PPFIA4: variants seen among roughly 807,000 people sequenced by gnomAD.
PPFIA4 encodes the protein PPFI scaffold protein A4.
PPFIA4 carries 98 observed loss-of-function variants against 145.7 expected under a neutral mutation model. That is an observed-to-expected ratio of 0.67 (90% CI 0.57 to 0.80). The LOEUF (loss-of-function observed/expected upper bound fraction) is 0.80. Among genes scored for constraint, PPFIA4 ranks in the 30% least tolerant of loss-of-function variants. The probability of loss-of-function intolerance (pLI) is 0.00; values close to 1 mark genes in which losing one functional copy is unlikely to be tolerated. For synonymous variants in PPFIA4, 628 were observed against 649.6 expected (o/e 0.97, Z 0.51); for missense variants, 1,457 against 1,632.7 (o/e 0.89, Z 1.85).
chr1:203,057,506 C>T (rs976380921), intron 19 of PPFIA4, among the ~76,000 whole-genome samples: 5 of 152,310 alleles, frequency 3.3e-5, no homozygotes, highest in South Asian at 2.1e-4. Context: ...GGTGAGTACA[C>T]GTTAAATGTT....
At chr1:203,051,469 T>C in intron 13 of PPFIA4, 1 of 665,368 alleles carries the variant, frequency 1.5e-6, no homozygotes, top group Non-Finnish European at 2.1e-6. Flanking sequence ...GCTCAACTTT[T>C]TAAAAGCCAC....
intron 26 of PPFIA4, 102 bp downstream of exon 26, chr1:203,067,894 C>G (rs376543427): frequency 9.9e-7 from 1 of 1,014,584 alleles, no homozygotes; most frequent in Non-Finnish European, 1.5e-6. Flanking sequence ...AGGGAATCTT[C>G]CAGTCTGAAA....
At chr1:203,045,768 G>A (rs1349953457) in intron 7 of PPFIA4, 73 bp from the exon 8 acceptor site, 1 of 1,602,046 alleles carries the variant, frequency 6.2e-7, no homozygotes, top group Admixed American at 1.7e-5. Context: ...AGCCAGGTGT[G>A]GGTGGGGAGG....
rs760017144 is a variant in PPFIA4 at position 203,056,387 on chromosome 1, C to T, written c.2119C>T (p.Arg707Trp). 1.5e-5 allele frequency: 25 copies of T among 1,613,722 alleles called. No homozygotes were observed. Among genetic ancestry groups the T allele is most frequent in the East Asian group, 2.2e-5 (1 of 44,902 alleles). Residue 707 changes from arginine (R) to tryptophan (W), a missense_variant, in exon 18 of 30, where the codon CGG becomes TGG. Transcript: ENST00000295706. The stretch of plus-strand genomic sequence containing the variant: ...ACTGTCTGTTCAGTCGCCAGTGTCT[C>T]GGGAAGAGAACCGAGAGGATAAAGC... The part of the protein sequence containing the change: ...HRRKLLSPVS[R>W]EENREDKATI...
In PPFIA4 at chr1:203,068,400, C is replaced by A. The variant is rs942732140; in HGVS notation, c.3149-53C>A. 2 of 1,484,136 alleles carry A rather than the reference C, an allele frequency of 1.3e-6. No individual in the cohort carries two copies. Among genetic ancestry groups the A allele is most frequent in the East Asian group, 2.5e-5 (1 of 40,362 alleles). The allele number at this position is 1,484,136 out of a possible 1,614,324, so 91.9% of individuals were successfully genotyped here. A position where few individuals can be genotyped will look rare whatever the true frequency, so the allele number is the denominator to read the frequency against. The stretch of plus-strand genomic sequence containing the variant: ...AGCTCTGCTTCTGTCCTTGGAGGGC[C>A]CTTGATGAAACGTAGTATCTCCTTC... On this transcript the variant is annotated intron_variant, in intron 26 of 29. Coordinates refer to ENST00000295706, the MANE Select transcript of PPFIA4 (RefSeq NM_001304331.2). The surrounding 1 kb of genome is among the most constrained non-coding windows in gnomAD (Gnocchi z 4.7).
intron 29 of PPFIA4, 116 bp from the exon 30 acceptor site, chr1:203,076,225 G>T: frequency 1.7e-6 from 2 of 1,163,748 alleles, no homozygotes; most frequent in East Asian, 2.3e-5. Context: ...CTGGCCTGGG[G>T]CGCTTTGCGC....
In PPFIA4 at chr1:203,075,880, T is replaced by G; in HGVS notation, c.3574+123T>G. On this transcript the variant is annotated intron_variant, in intron 29 of 29. Coordinates refer to ENST00000295706, the MANE Select transcript of PPFIA4 (RefSeq NM_001304331.2). The surrounding 1 kb of genome is among the most constrained non-coding windows in gnomAD (Gnocchi z 4.1). Reference sequence around the variant, plus strand: ...AGGCTGGTGCCCCGCGCTCCTGCGCTGCAGCTGCACTAACGCTCCGCGGGG... The same window carrying G: ...AGGCTGGTGCCCCGCGCTCCTGCGCGGCAGCTGCACTAACGCTCCGCGGGG... The G allele has an allele frequency of 2.0e-6, 2 of 1,013,576 alleles. No individual in the cohort carries two copies. Among genetic ancestry groups the G allele is most frequent in the Non-Finnish European group, 2.7e-6 (2 of 749,852 alleles). 62.8% of individuals were successfully genotyped at this position (1,013,576 alleles called of 1,614,324 possible).
At position 203,043,457 on chromosome 1, in the gene PPFIA4, G is replaced by C. The variant is rs1659840454; in HGVS notation, c.295G>C (p.Glu99Gln). 6.2e-7 allele frequency: 1 copy of C among 1,611,536 alleles called. No individual in the cohort carries two copies. The highest frequency in any genetic ancestry group is 1.3e-5 in the African/African-American group (1 of 74,918). Reference protein sequence around the residue: ...MCREQLLEREEEISELKAERN... With the variant: ...MCREQLLEREQEISELKAERN... ...TCGGGAGCAGCTTCTAGAGCGGGAG[G>C]AAGAGATATCAGAACTGAAAGCAGA... The change falls in exon 3 of 30, where the codon GAA (glutamate) becomes CAA (glutamine). Residue 99 changes from glutamate to glutamine, a missense_variant. This residue lies in a region of PPFIA4 where 463 missense variants were observed against 459.8 expected (regional missense o/e 1.01). Coordinates refer to ENST00000295706, the MANE Select transcript of PPFIA4 (RefSeq NM_001304331.2). The surrounding 1 kb of genome is among the most constrained non-coding windows in gnomAD (Gnocchi z 4.4).
Position 203,074,120 on chromosome 1 carries a change from A to G in PPFIA4, c.3394-1457A>G, listed in dbSNP as rs1662359964. On this transcript the variant is annotated intron_variant, in intron 28 of 29. Coordinates refer to ENST00000295706, the MANE Select transcript of PPFIA4 (RefSeq NM_001304331.2). ...GGTAGGGAGAAGGGAAGGAGGTGAG[A>G]AAAGGAGGAGGAAAGAGATACAGTC... 2.0e-5 allele frequency among the ~76,000 whole-genome samples: 3 copies of G among 152,152 alleles called. No homozygotes were observed. The South Asian group carries it at 6.2e-4, about 32-fold the overall frequency.
At chr1:203,047,635 G>A (rs917526365) in intron 9 of PPFIA4, among the ~76,000 whole-genome samples, 9 of 152,198 alleles carry the variant, frequency 5.9e-5, no homozygotes, top group African/African-American at 1.2e-4. Context: ...CAGCAGAGCC[G>A]TAACCATGCG....
Position 203,053,936 on chromosome 1 carries a change from C to G in PPFIA4, c.1804C>G (p.Leu602Val), listed in dbSNP as rs1660723728. ...QTLAMMLQEQ[L>V]DAINEEIRMI... ...CCTGGCCATGATGCTGCAGGAGCAGCTGGATGCCATCAATGAGGAAATCAG... is the reference window on the plus strand; with the variant it reads ...CCTGGCCATGATGCTGCAGGAGCAGGTGGATGCCATCAATGAGGAAATCAG... Residue 602 changes from leucine (L) to valine (V), a missense_variant, in exon 15 of 30, where the codon CTG (leucine) becomes GTG (valine). Physicochemically the swap from Leu to Val is conservative, Grantham distance 32. This residue lies in a region of PPFIA4 where 848 missense variants were observed against 1,046.7 expected (regional missense o/e 0.81). Transcript: ENST00000295706. 1 of 1,566,340 alleles carries G rather than the reference C, an allele frequency of 6.4e-7. No homozygotes were observed. The highest frequency in any genetic ancestry group is 1.4e-5 in the African/African-American group (1 of 73,880).
intron 2 of PPFIA4, among the ~76,000 whole-genome samples, chr1:203,041,061 G>A (rs927869558): frequency 6.6e-6 from 1 of 152,310 alleles, no homozygotes; most frequent in African/African-American, 2.4e-5. Flanking sequence ...GAGCCTCCCC[G>A]TGGGGAGTCT....
chr1:203,044,137 C>T (rs1390115062), intron 4 of PPFIA4, 42 bp downstream of exon 4: 4 of 1,530,304 alleles, frequency 2.6e-6, no homozygotes, highest in Non-Finnish European at 3.5e-6. Context: ...GCCAGGCTGC[C>T]CTGGAGCCTC....
At chr1:203,053,673 T>G in intron 14 of PPFIA4, 80 bp from the exon 15 acceptor site, 1 of 1,187,294 alleles carries the variant, frequency 8.4e-7, no homozygotes, top group Non-Finnish European at 1.2e-6. Context: ...CCAGTGCTGG[T>G]GGGTAGAGGT....
chr1:203,036,149 G>A (rs1043017124), intron 1 of PPFIA4, among the ~76,000 whole-genome samples: 1 of 152,192 alleles, frequency 6.6e-6, no homozygotes, highest in Non-Finnish European at 1.5e-5. Context: ...TCCACCCACA[G>A]GTGGCCAACA....
Position 203,063,510 on chromosome 1 carries a change from C to T in PPFIA4, c.2875-318C>T, listed in dbSNP as rs186591636. On this transcript the variant is annotated intron_variant, in intron 24 of 29. Coordinates refer to ENST00000295706, the MANE Select transcript of PPFIA4 (RefSeq NM_001304331.2). ...GGAAGGCACGTCTGCTGCACAATAC[C>T]GCAAATGCAACCCAGAGTCAACAGG... The T allele has an allele frequency of 3.4e-5, 10 of 293,602 alleles. No homozygotes were observed. In the East Asian group the frequency reaches 6.0e-4, roughly 18 times the overall value. 18.2% of individuals were successfully genotyped at this position (293,602 alleles called of 1,614,324 possible).
intron 24 of PPFIA4, among the ~76,000 whole-genome samples, chr1:203,062,249 G>A (rs1282762552): frequency 2.6e-5 from 4 of 151,490 alleles, no homozygotes; most frequent in Admixed American, 6.6e-5. Context: ...AGGCCGAGGC[G>A]GGCGGATCAC....
At chr1:203,067,859 G>A (rs1661843531) in intron 26 of PPFIA4, 67 bp downstream of exon 26, 3 of 1,341,896 alleles carry the variant, frequency 2.2e-6, no homozygotes, top group African/African-American at 1.4e-5. Flanking sequence ...CTTGGGCCAA[G>A]TGGAGGGGAG....
chr1:203,039,862 A>T (rs184128472), intron 2 of PPFIA4, among the ~76,000 whole-genome samples: 7 of 152,142 alleles, frequency 4.6e-5, no homozygotes, highest in Non-Finnish European at 1.0e-4. Context: ...CCATCATCCC[A>T]TTGTACAAAT....
Sources: gnomAD v4.1 joint callset for allele counts (sites outside exome capture counted in the v4.1 genomes callset) on GRCh38, gnomAD v4.1.1 for gene constraint, gnomAD v4.1.1 regional missense constraint, Gnocchi (gnomAD v3.1) non-coding constraint, MANE v1.5 for transcripts, NCBI Gene and HGNC (gene_info 2026-07-23, HGNC 2026-07-21) for gene names.